Variants in KCNH7 observed in about 807,000 individuals in gnomAD.
KCNH7 encodes the protein voltage-gated inwardly rectifying potassium channel KCNH7.
Under a neutral mutation model 120.8 loss-of-function variants are expected in KCNH7, and 49 were observed. That is an observed-to-expected ratio of 0.41 (90% CI 0.32 to 0.51). The LOEUF is 0.51. Among genes scored for constraint, KCNH7 ranks in the 20% least tolerant of loss-of-function variants. KCNH7 has a pLI of 0.38. For missense variants in KCNH7, 1,097 were observed against 1,446.6 expected, an observed-to-expected ratio of 0.76 and a Z score of 3.92; for synonymous variants, 547 against 516.1, an observed-to-expected ratio of 1.06 and a Z score of -0.81.
chr2:162,398,962 G>A (rs1050558386), intron 10 of KCNH7, among the ~76,000 whole-genome samples: 1 of 151,784 alleles, frequency 6.6e-6, no homozygotes, highest in African/African-American at 2.4e-5. Context: ...AAAATCATGT[G>A]AGCATCTTTA....
intron 2 of KCNH7, among the ~76,000 whole-genome samples, chr2:162,540,304 C>T (rs374408278): frequency 1.7e-4 from 26 of 150,208 alleles, no homozygotes; most frequent in Admixed American, 1.4e-3. Context: ...CACATTTTCT[C>T]CCCTGAGTGA....
rs527827548 is a variant in KCNH7, at chr2:162,388,913, T to C, written c.2711-3974A>G. Among the ~76,000 whole-genome samples, 6 of 151,968 alleles carry C rather than the reference T, an allele frequency of 3.9e-5. No individual in the cohort carries two copies. In the South Asian group the frequency reaches 6.2e-4, roughly 16 times the overall value. ...CACATTGGATTTTTCCTGTGGAGTA[T>C]ATATCGAAGAGCTCATTTTAATAAA... is the stretch of plus-strand genomic sequence containing the variant. On this transcript the variant is annotated intron_variant, in intron 12 of 15. Coordinates refer to ENST00000332142, the MANE Select transcript of KCNH7 (RefSeq NM_033272.4).
chr2:162,581,665 T>C (rs1015295966), intron 2 of KCNH7, among the ~76,000 whole-genome samples: 3 of 152,118 alleles, frequency 2.0e-5, no homozygotes, highest in Non-Finnish European at 4.4e-5. Flanking sequence ...TTTTATATAA[T>C]GTTATCCTGT....
chr2:162,755,804 C>G (rs1217711147), intron 2 of KCNH7, among the ~76,000 whole-genome samples: 1 of 151,904 alleles, frequency 6.6e-6, no homozygotes, highest in Non-Finnish European at 1.5e-5. Flanking sequence ...GAGCTGTAGT[C>G]AACATATATT....
chr2:162,589,465 A>T (rs1694130708), intron 2 of KCNH7, among the ~76,000 whole-genome samples: 1 of 152,062 alleles, frequency 6.6e-6, no homozygotes, highest in East Asian at 1.9e-4. Flanking sequence ...AGTAGAACAA[A>T]TAAAAGAGTT....
At chr2:162,740,909 C>T (rs1323461994) in intron 2 of KCNH7, among the ~76,000 whole-genome samples, 1 of 152,040 alleles carries the variant, frequency 6.6e-6, no homozygotes, top group African/African-American at 2.4e-5. Context: ...CTTTTTCGGA[C>T]TTTCTGGGTT....
Position 162,814,342 on chromosome 2 carries a change from T to A in KCNH7, c.307+22195A>T, listed in dbSNP as rs149582611. On this transcript the variant is annotated intron_variant, in intron 2 of 15. Coordinates refer to ENST00000332142, the MANE Select transcript of KCNH7 (RefSeq NM_033272.4). ...TGCAGCATTTCATCTTTAGATAATA[T>A]TGTTTTCAATTGACTCAAGGATGGA... is the stretch of plus-strand genomic sequence containing the variant. Among the ~76,000 whole-genome samples the A allele has an allele frequency of 7.2e-3, 1,093 of 152,302 alleles. 2 individuals are homozygous for A. The highest frequency in any genetic ancestry group is 0.011 in the Non-Finnish European group (772 of 68,016).
chr2:162,475,631 C>T (rs79497982), intron 6 of KCNH7, among the ~76,000 whole-genome samples: 27 of 152,244 alleles, frequency 1.8e-4, no homozygotes, highest in Admixed American at 1.0e-3. Flanking sequence ...CTGATTTTCA[C>T]GATATAGGAT....
intron 5 of KCNH7, 123 bp from the exon 6 acceptor site, chr2:162,504,780 G>A (rs1359233998): frequency 3.0e-6 from 2 of 658,044 alleles, no homozygotes; most frequent in East Asian, 2.7e-5. Flanking sequence ...ACTGAATGCA[G>A]CCAGCTTATA....
At chr2:162,507,291 C>A (rs1017052635) in intron 5 of KCNH7, among the ~76,000 whole-genome samples, 1 of 151,464 alleles carries the variant, frequency 6.6e-6, no homozygotes, top group Admixed American at 6.6e-5. Context: ...GTGTTGGAAC[C>A]AAATATTATT....
At chr2:162,381,993 G>A (rs923930773) in intron 13 of KCNH7, among the ~76,000 whole-genome samples, 3 of 152,082 alleles carry the variant, frequency 2.0e-5, no homozygotes, top group Non-Finnish European at 2.9e-5. Flanking sequence ...CTAGTCTGCT[G>A]CTAGCCAGTT....
intron 2 of KCNH7, among the ~76,000 whole-genome samples, chr2:162,766,620 T>C (rs1417460878): frequency 4.6e-5 from 7 of 152,188 alleles, no homozygotes; most frequent in Non-Finnish European, 7.3e-5. Flanking sequence ...ATCTATGCTA[T>C]TGTCTTCCAG....
At chr2:162,726,238 G>A (rs1213850337) in intron 2 of KCNH7, among the ~76,000 whole-genome samples, 2 of 151,950 alleles carry the variant, frequency 1.3e-5, no homozygotes, top group African/African-American at 4.8e-5. Flanking sequence ...AGGGTTTTCT[G>A]CAGTGTAAGT....
chr2:162,691,420 C>G (rs1200650300), intron 2 of KCNH7, among the ~76,000 whole-genome samples: 1 of 152,106 alleles, frequency 6.6e-6, no homozygotes, highest in Non-Finnish European at 1.5e-5. Flanking sequence ...AATTTGAGAA[C>G]TGATCAAAGA....
chr2:162,633,967 T>C (rs959095313), intron 2 of KCNH7, among the ~76,000 whole-genome samples: 6 of 152,064 alleles, frequency 3.9e-5, no homozygotes, highest in African/African-American at 1.4e-4. Context: ...TTATATAAGT[T>C]TGACAATTTT....
intron 6 of KCNH7, among the ~76,000 whole-genome samples, chr2:162,494,154 G>A (rs1690417749): frequency 6.6e-6 from 1 of 152,118 alleles, no homozygotes; most frequent in Admixed American, 6.5e-5. Context: ...ATTAATAGTA[G>A]ACTAATGCAA....
intron 6 of KCNH7, among the ~76,000 whole-genome samples, chr2:162,494,355 A>G (rs370278914): frequency 6.6e-6 from 1 of 152,130 alleles, no homozygotes; most frequent in Non-Finnish European, 1.5e-5. Context: ...CACAAAATCA[A>G]ACTTCAGTTT....
chr2:162,826,894 T>C (rs2105606668), intron 2 of KCNH7, among the ~76,000 whole-genome samples: 1 of 152,228 alleles, frequency 6.6e-6, no homozygotes, highest in Middle Eastern at 3.4e-3. Flanking sequence ...TGGAGAAGGC[T>C]GCCTGAGGGA....
At chr2:162,510,556 A>C in intron 5 of KCNH7, among the ~76,000 whole-genome samples, 1 of 151,658 alleles carries the variant, frequency 6.6e-6, no homozygotes, top group East Asian at 2.0e-4. Flanking sequence ...AAATCAGATG[A>C]TATTGAAGAC....
Sources: gnomAD v4.1 joint callset for allele counts (sites outside exome capture counted in the v4.1 genomes callset) on GRCh38, gnomAD v4.1.1 for gene constraint, MANE v1.5 for transcripts, NCBI Gene and HGNC (gene_info 2026-07-23, HGNC 2026-07-21) for gene names.